The following SAMMSON variants were observed in gnomAD, a reference collection of about 807,000 sequenced individuals.
The protein encoded by SAMMSON is long intergenic non-protein coding RNA 1212.
intron 7 of SAMMSON, among the ~76,000 whole-genome samples, chr3:70,317,121 A>G (rs897029774): frequency 2.0e-5 from 3 of 151,974 alleles, no homozygotes; most frequent in Non-Finnish European, 2.9e-5. Context: ...TTTCATTTAC[A>G]TGCTCTCTCC....
In SAMMSON at chr3:70,351,311, G is replaced by A. The variant is rs1219289407; in HGVS notation, n.740-2864G>A. The stretch of plus-strand genomic sequence containing the variant: ...ATGAATAAATACCTGGATAGAGCCT[G>A]CTTTCTTTAATAAGTATTGGTGGGG... On this transcript the variant is annotated intron_variant and non_coding_transcript_variant, in intron 7 of 9. Transcript: ENST00000642114. Among the ~76,000 whole-genome samples, 9 of 152,104 alleles carry A rather than the reference G, an allele frequency of 5.9e-5. 1 individual carries two copies. The highest frequency in any genetic ancestry group is 5.9e-4 in the Admixed American group (9 of 15,252).
downstream of SAMMSON, among the ~76,000 whole-genome samples, chr3:70,392,057 G>A (rs1316529326): frequency 6.6e-6 from 1 of 152,066 alleles, no homozygotes; most frequent in Non-Finnish European, 1.5e-5. Flanking sequence ...AGAAGGGGAT[G>A]GGTACCCCGC....
chr3:70,098,100 CA>C (rs2067329303), intron 4 of SAMMSON, among the ~76,000 whole-genome samples: 1 of 152,154 alleles, frequency 6.6e-6, no homozygotes, highest in Admixed American at 6.5e-5. Context: ...CTGCTTTTGC[CA>C]AATTTACCCA....
At chr3:70,224,345 C>T (rs1303321254) in intron 4 of SAMMSON, among the ~76,000 whole-genome samples, 1 of 152,196 alleles carries the variant, frequency 6.6e-6, no homozygotes. Flanking sequence ...CATGCTGCAG[C>T]GGATGGTGCA....
At chr3:70,237,420 C>T (rs774282093) in intron 4 of SAMMSON, among the ~76,000 whole-genome samples, 2 of 152,216 alleles carry the variant, frequency 1.3e-5, no homozygotes, top group African/African-American at 2.4e-5. Context: ...ATCTTGACCT[C>T]TTTGTGCATG....
At position 70,252,293 on chromosome 3, in the gene SAMMSON, A is replaced by AT. The variant is rs1473923981; in HGVS notation, n.674+2627dup. 3.3e-5 allele frequency among the ~76,000 whole-genome samples: 5 copies of AT among 152,106 alleles called. No individual in the cohort carries two copies. In the East Asian group the frequency reaches 9.7e-4, roughly 29 times the overall value. On this transcript the variant is annotated intron_variant and non_coding_transcript_variant, in intron 6 of 9. Coordinates refer to ENST00000642114, the Ensembl canonical transcript of SAMMSON. ...TAAAGTATATGTATCGTATGCTGTG[A>AT]TTTTCCATTGGTGTATGGTGTGGCG...
intron 4 of SAMMSON, among the ~76,000 whole-genome samples, chr3:70,153,324 AC>A (rs1349910148): frequency 6.6e-6 from 1 of 151,996 alleles, no homozygotes; most frequent in Non-Finnish European, 1.5e-5. Context: ...TGTCAGCTCT[AC>A]AGAAACTTTA....
chr3:70,347,427 G>A (rs560475364), intron 7 of SAMMSON, among the ~76,000 whole-genome samples: 69 of 148,218 alleles, frequency 4.7e-4, no homozygotes, highest in African/African-American at 1.6e-3. Context: ...GTAATTTTTC[G>A]GAACTGGCCT....
At chr3:70,121,822 A>G (rs2067434792) in intron 4 of SAMMSON, among the ~76,000 whole-genome samples, 1 of 152,192 alleles carries the variant, frequency 6.6e-6, no homozygotes, top group Non-Finnish European at 1.5e-5. Flanking sequence ...CAGCCGAGTC[A>G]GCTACGTAGC....
chr3:70,012,811 A>C (rs144248094), intron 2 of SAMMSON, among the ~76,000 whole-genome samples: 84 of 152,150 alleles, frequency 5.5e-4, no homozygotes, highest in African/African-American at 1.5e-3. Context: ...TGCTGTGGCA[A>C]AGTTTTCTGT....
At chr3:70,423,683 A>G (rs554066955) in intron 2 of SAMMSON, among the ~76,000 whole-genome samples, 66 of 152,326 alleles carry the variant, frequency 4.3e-4, no homozygotes, top group Non-Finnish European at 8.2e-4. Flanking sequence ...TCTAAAAAGT[A>G]TAGGCTCAGC....
At chr3:70,287,710 C>T (rs943191828) in intron 6 of SAMMSON, among the ~76,000 whole-genome samples, 22 of 151,894 alleles carry the variant, frequency 1.4e-4, no homozygotes, top group Non-Finnish European at 2.9e-4. Context: ...GGTTGGTAAG[C>T]TATTGATTAT....
At chr3:70,038,443 A>G (rs769707510) in intron 3 of SAMMSON, among the ~76,000 whole-genome samples, 1 of 152,070 alleles carries the variant, frequency 6.6e-6, no homozygotes, top group South Asian at 2.1e-4. Flanking sequence ...CAGCTACCCA[A>G]TTTTGAACTT....
At chr3:70,023,238 C>T (rs1041198328) in intron 3 of SAMMSON, among the ~76,000 whole-genome samples, 6 of 151,980 alleles carry the variant, frequency 3.9e-5, no homozygotes, top group East Asian at 1.9e-4. Context: ...AGGCAGATTA[C>T]GAGGTCAGGA....
intron 6 of SAMMSON, among the ~76,000 whole-genome samples, chr3:70,252,602 T>TA (rs1701779827): frequency 6.6e-6 from 1 of 152,176 alleles, no homozygotes; most frequent in Admixed American, 6.5e-5. Flanking sequence ...ATATCCATGG[T>TA]AAACCGGAGA....
chr3:70,072,646 G>GAAAAAA (rs35807309), intron 4 of SAMMSON: 3 of 87,680 alleles, frequency 3.4e-5, no homozygotes, highest in African/African-American at 4.3e-5. Context: ...AACAGCAAAG[G>GAAAAAA]AAAAAAAAAA....
chr3:70,100,964 C>A (rs999239544), intron 4 of SAMMSON, among the ~76,000 whole-genome samples: 1 of 152,140 alleles, frequency 6.6e-6, no homozygotes, highest in Non-Finnish European at 1.5e-5. Flanking sequence ...CATTGTTTAT[C>A]CAACAAAATT....
intron 3 of SAMMSON, among the ~76,000 whole-genome samples, chr3:70,033,128 A>G (rs1310022326): frequency 6.6e-6 from 1 of 152,182 alleles, no homozygotes; most frequent in Non-Finnish European, 1.5e-5. Flanking sequence ...CTTTAAGTAG[A>G]CAATCCTGAG....
At chr3:70,265,895 C>T (rs537409801) in intron 6 of SAMMSON, among the ~76,000 whole-genome samples, 5 of 152,250 alleles carry the variant, frequency 3.3e-5, no homozygotes, top group East Asian at 1.9e-4. Context: ...CTCCCTGTCA[C>T]GAGAACGGCA....
Sources: gnomAD v4.1 joint callset for allele counts (sites outside exome capture counted in the v4.1 genomes callset) on GRCh38, gnomAD v4.1.1 for gene constraint, MANE v1.5 for transcripts, NCBI Gene and HGNC (gene_info 2026-07-23, HGNC 2026-07-21) for gene names.